The following MEF2A variants were observed in gnomAD, a reference collection of about 807,000 sequenced individuals.
MEF2A encodes myocyte-specific enhancer factor 2A.
A neutral mutation model predicts 55.8 loss-of-function variants in MEF2A; 28 were observed. The observed-to-expected ratio is 0.50, with a 90% CI of 0.37 to 0.69. The LOEUF (loss-of-function observed/expected upper bound fraction) is 0.69, where lower values mean the gene tolerates loss of function less well. Among genes scored for constraint, MEF2A ranks in the 30% least tolerant of loss-of-function variants. The pLI is 0.00. For missense variants in MEF2A, 528 were observed against 626.2 expected (o/e 0.84, Z 1.67); for synonymous variants, 239 against 227.1 (o/e 1.05, Z -0.47).
At chr15:99,574,222 CAG>C (rs1291321513) in intron 1 of MEF2A, among the ~76,000 whole-genome samples, 3 of 152,082 alleles carry the variant, frequency 2.0e-5, no homozygotes, top group African/African-American at 7.2e-5. Context: ...AGTCTGGAAA[CAG>C]AGATTATTAT....
At chr15:99,593,037 CCTT>C (rs544375263) in intron 1 of MEF2A, among the ~76,000 whole-genome samples, 6 of 152,234 alleles carry the variant, frequency 3.9e-5, no homozygotes, top group East Asian at 3.9e-4. Flanking sequence ...ATTAATTTCA[CCTT>C]CTTTTTCCTT....
At chr15:99,665,731 CAAAAAAAAAAAA>C (rs752473261) in intron 4 of MEF2A, among the ~76,000 whole-genome samples, 1 of 20,248 alleles carries the variant, frequency 4.9e-5, no homozygotes, top group African/African-American at 1.7e-4. Context: ...CTTAAATTTA[CAAAAAAAAAAAA>C]AAAAAAAAAA....
At chr15:99,658,023 C>T (rs1172054025) in intron 4 of MEF2A, among the ~76,000 whole-genome samples, 2 of 152,154 alleles carry the variant, frequency 1.3e-5, no homozygotes, top group African/African-American at 2.4e-5. Context: ...TTCAAATAAC[C>T]TTTCAGAACT....
chr15:99,600,753 TATATATCC>T (rs1431462695), intron 2 of MEF2A, among the ~76,000 whole-genome samples: 1 of 142,598 alleles, frequency 7.0e-6, no homozygotes, highest in Non-Finnish European at 1.6e-5. Context: ...TCTGCTGATC[TATATATCC>T]TTATGACAGT....
At chr15:99,602,863 G>A (rs909370561) in intron 2 of MEF2A, among the ~76,000 whole-genome samples, 1 of 151,412 alleles carries the variant, frequency 6.6e-6, no homozygotes, top group Non-Finnish European at 1.5e-5. Flanking sequence ...ACAAAACTAT[G>A]AATTTGGTTT....
chr15:99,611,293 A>G (rs377320626), intron 2 of MEF2A, among the ~76,000 whole-genome samples: 6 of 152,212 alleles, frequency 3.9e-5, no homozygotes, highest in African/African-American at 1.4e-4. Context: ...TTTACAGATC[A>G]TATATTTGTA....
rs760615602 is a variant in MEF2A at position 99,674,473 on chromosome 15, A to G, written c.471A>G (p.Pro157=). 17 of 1,613,866 alleles carry G rather than the reference A, an allele frequency of 1.1e-5. No individual in the cohort carries two copies. The highest frequency in any genetic ancestry group is 1.0e-4 in the Admixed American group (6 of 59,994). The part of the protein sequence containing the change: ...TSPNALSYTN[P]GSSLVSPSLA... ...CCAATGCTTTGTCCTACACTAACCC[A>G]GGGAGTTCACTGGTGTCCCCATCTT... is the stretch of plus-strand genomic sequence containing the variant. The change falls in exon 6 of 12, where the codon CCA becomes CCG. Residue 157 remains proline (P), a synonymous_variant. Transcript: ENST00000557942.
chr15:99,617,699 A>G (rs1052368508), intron 2 of MEF2A, among the ~76,000 whole-genome samples: 2 of 151,754 alleles, frequency 1.3e-5, no homozygotes, highest in Non-Finnish European at 2.9e-5. Flanking sequence ...TTTCTTTGTT[A>G]TTTTCATTTT....
At chr15:99,664,229 T>G (rs2049178530) in intron 4 of MEF2A, among the ~76,000 whole-genome samples, 1 of 152,220 alleles carries the variant, frequency 6.6e-6, no homozygotes, top group African/African-American at 2.4e-5. Flanking sequence ...TTCCTCATGC[T>G]TCTTTGATTA....
At chr15:99,709,894 G>A (rs545734807) in intron 10 of MEF2A, among the ~76,000 whole-genome samples, 6 of 152,262 alleles carry the variant, frequency 3.9e-5, no homozygotes, top group African/African-American at 7.2e-5. Flanking sequence ...AAACAAATGC[G>A]CTTACTAATT....
At chr15:99,666,997 G>A (rs147455074) in intron 4 of MEF2A, among the ~76,000 whole-genome samples, 144 of 152,286 alleles carry the variant, frequency 9.5e-4, no homozygotes, top group African/African-American at 3.2e-3. Context: ...ATATTTCATC[G>A]ATACTTGATA....
At chr15:99,710,394 C>T (rs1208480092) in intron 10 of MEF2A, among the ~76,000 whole-genome samples, 2 of 152,166 alleles carry the variant, frequency 1.3e-5, no homozygotes, top group Non-Finnish European at 2.9e-5. Flanking sequence ...AGGCATGCGC[C>T]ACCACGCCTG....
At chr15:99,638,225 T>C (rs572234650) in intron 3 of MEF2A, among the ~76,000 whole-genome samples, 98 of 152,324 alleles carry the variant, frequency 6.4e-4, no homozygotes, top group African/African-American at 2.2e-3. Context: ...CTTCCATTCA[T>C]TTCTGTTAAG....
At chr15:99,692,793 A>G (rs1051798429) in intron 8 of MEF2A, among the ~76,000 whole-genome samples, 2 of 152,210 alleles carry the variant, frequency 1.3e-5, no homozygotes, top group Admixed American at 6.5e-5. Flanking sequence ...TTTCTCTAAT[A>G]TGAAACAAAA....
chr15:99,625,000 T>G (rs1458089573), intron 2 of MEF2A, among the ~76,000 whole-genome samples: 1 of 152,182 alleles, frequency 6.6e-6, no homozygotes, highest in East Asian at 1.9e-4. Flanking sequence ...AGTCAACACT[T>G]TATTTTAAAA....
At chr15:99,590,125 C>G (rs950619540) in intron 1 of MEF2A, among the ~76,000 whole-genome samples, 1 of 151,962 alleles carries the variant, frequency 6.6e-6, no homozygotes, top group Non-Finnish European at 1.5e-5. Flanking sequence ...ATCTATTTCT[C>G]CTTTTAGTTC....
chr15:99,637,833 CG>C (rs1482519460), intron 3 of MEF2A, among the ~76,000 whole-genome samples: 1 of 152,028 alleles, frequency 6.6e-6, no homozygotes, highest in East Asian at 1.9e-4. Flanking sequence ...TTAGTAGAGA[CG>C]GGGTTTCATG....
intron 2 of MEF2A, among the ~76,000 whole-genome samples, chr15:99,627,158 T>C (rs1241080187): frequency 6.6e-6 from 1 of 151,772 alleles, no homozygotes; most frequent in Non-Finnish European, 1.5e-5. Context: ...AATATGTAAC[T>C]GGATAAGGAA....
chr15:99,624,811 T>G (rs1191365025), intron 2 of MEF2A, among the ~76,000 whole-genome samples: 4 of 152,236 alleles, frequency 2.6e-5, no homozygotes, highest in Non-Finnish European at 5.9e-5. Context: ...AAAACATCTT[T>G]CCATTTGTTT....
Sources: gnomAD v4.1 joint callset for allele counts (sites outside exome capture counted in the v4.1 genomes callset) on GRCh38, gnomAD v4.1.1 for gene constraint, MANE v1.5 for transcripts, NCBI Gene and HGNC (gene_info 2026-07-23, HGNC 2026-07-21) for gene names.